Variants in PRPSAP1 observed in about 807,000 individuals in gnomAD.
PRPSAP1 encodes phosphoribosyl pyrophosphate synthetase associated protein 1.
PRPSAP1 carries 31 observed loss-of-function variants against 39.4 expected under a neutral mutation model. The observed-to-expected ratio is 0.79, with a 90% CI of 0.59 to 1.06. PRPSAP1 has a LOEUF of 1.06. PRPSAP1 is among the 50% of genes least tolerant of loss of function. The pLI, the probability that PRPSAP1 is intolerant of heterozygous loss-of-function variation, is 0.00. For missense variants in PRPSAP1, 430 were observed against 511.6 expected (o/e 0.84, Z 1.54); for synonymous variants, 212 against 192.6 (o/e 1.10, Z -0.83).
chr17:76,311,437 C>G lies in PRPSAP1; in HGVS notation c.*105G>C. The G allele has an allele frequency of 7.7e-7, 1 of 1,293,366 alleles. No individual in the cohort carries two copies. Among genetic ancestry groups the G allele is most frequent in the South Asian group, 1.5e-5 (1 of 65,534 alleles). The allele number at this position is 1,293,366 out of a possible 1,614,324, so 80.1% of individuals were successfully genotyped here. On this transcript the variant is annotated 3_prime_UTR_variant, in exon 10 of 10. Coordinates refer to ENST00000446526, the MANE Select transcript of PRPSAP1 (RefSeq NM_002766.3). ...TCCGGGCAAAAGAAGATATCTAACT[C>G]CAGGCTGTTTCGAGTCCTCCCTTGC...
At chr17:76,349,118 C>G (rs1354471763) in intron 1 of PRPSAP1, among the ~76,000 whole-genome samples, 1 of 151,910 alleles carries the variant, frequency 6.6e-6, no homozygotes, top group Non-Finnish European at 1.5e-5. Context: ...TGAGACCAGC[C>G]TGACCAACAT....
rs1045429484 is a variant in PRPSAP1 at position 76,339,789 on chromosome 17, A to G, written c.290+4882T>C. Among the ~76,000 whole-genome samples, 21 of 151,478 alleles carry G rather than the reference A, an allele frequency of 1.4e-4. 1 individual carries two copies. The highest frequency in any genetic ancestry group is 1.2e-3 in the Admixed American group (19 of 15,206). On this transcript the variant is annotated intron_variant, in intron 3 of 9. Coordinates refer to ENST00000446526, the MANE Select transcript of PRPSAP1 (RefSeq NM_002766.3). ...TGTTATTGTACAAGACTCTGCTACA[A>G]CTCTATGAAGTGCTTCCTACTTCTT... is the stretch of plus-strand genomic sequence containing the variant.
rs1598548600 is a variant in PRPSAP1 at position 76,353,499 on chromosome 17, C to T, written c.170+35G>A. ...GGGCGCGAAGGAGAGCTAGGCGCCG[C>T]CGCCCCCGGCCCGGCCCTCCCACCG... On this transcript the variant is annotated intron_variant, in intron 1 of 9. Transcript: ENST00000446526. The T allele has an allele frequency of 4.1e-6, 6 of 1,466,990 alleles. No homozygotes were observed. The East Asian group carries it at 1.2e-4, about 29-fold the overall frequency. 90.9% of individuals were successfully genotyped at this position (1,466,990 alleles called of 1,614,324 possible). A position where few individuals can be genotyped will look rare whatever the true frequency, so the allele number is the denominator to read the frequency against.
intron 7 of PRPSAP1, among the ~76,000 whole-genome samples, chr17:76,320,699 T>G (rs925173419): frequency 1.3e-5 from 2 of 151,052 alleles, no homozygotes; most frequent in Admixed American, 1.3e-4. Flanking sequence ...CCTCCCAAAG[T>G]GCTAGATTAC....
intron 3 of PRPSAP1, among the ~76,000 whole-genome samples, chr17:76,341,234 GTTTTT>G (rs5822126): frequency 2.4e-3 from 283 of 119,964 alleles, no homozygotes; most frequent in Non-Finnish European, 3.0e-3. Flanking sequence ...ACTTTTTTTT[GTTTTT>G]TTTTTTTTTT....
chr17:76,320,265 A>G (rs77423416), intron 7 of PRPSAP1, among the ~76,000 whole-genome samples: 10 of 75,114 alleles, frequency 1.3e-4, no homozygotes, highest in Admixed American at 3.0e-4. Context: ...AGAAAGAAAG[A>G]AAAGAAAGAA....
chr17:76,337,929 CTTACT>C (rs1433056339), intron 3 of PRPSAP1, among the ~76,000 whole-genome samples: 1 of 152,026 alleles, frequency 6.6e-6, no homozygotes, highest in African/African-American at 2.4e-5. Context: ...AATGAGTCTG[CTTACT>C]TTACATCAAC....
chr17:76,333,883 C>T (rs1428717384), intron 3 of PRPSAP1, among the ~76,000 whole-genome samples: 1 of 152,102 alleles, frequency 6.6e-6, no homozygotes, highest in Non-Finnish European at 1.5e-5. Flanking sequence ...TTCTTTCTTT[C>T]ACTTACTCAC....
intron 1 of PRPSAP1, among the ~76,000 whole-genome samples, chr17:76,349,034 G>A (rs770877191): frequency 1.3e-4 from 20 of 152,128 alleles, no homozygotes; most frequent in Non-Finnish European, 2.8e-4. Flanking sequence ...TTTTTGGCCA[G>A]GCGTGGTGGC....
chr17:76,313,445 T>C (rs556383020), intron 8 of PRPSAP1: 67 of 257,628 alleles, frequency 2.6e-4, no homozygotes, highest in Admixed American at 5.9e-4. Context: ...TATGTCAACA[T>C]GCAGAACGAG....
chr17:76,338,799 C>T (rs1200952877), intron 3 of PRPSAP1, among the ~76,000 whole-genome samples: 4 of 151,654 alleles, frequency 2.6e-5, no homozygotes, highest in Admixed American at 6.6e-5. Flanking sequence ...TTTGGGAGGC[C>T]GAGGTGGATG....
At chr17:76,328,186 C>CAAA (rs56020637) in intron 7 of PRPSAP1, among the ~76,000 whole-genome samples, 49 of 108,798 alleles carry the variant, frequency 4.5e-4, no homozygotes, top group African/African-American at 1.1e-3. Flanking sequence ...GATCCTTTCT[C>CAAA]AAAAAAAAAA....
At chr17:76,343,847 A>G (rs2071466418) in intron 3 of PRPSAP1, among the ~76,000 whole-genome samples, 1 of 152,190 alleles carries the variant, frequency 6.6e-6, no homozygotes, top group African/African-American at 2.4e-5. Flanking sequence ...AAAAGCCTGG[A>G]GAGAAGTAAA....
intron 3 of PRPSAP1, among the ~76,000 whole-genome samples, chr17:76,340,921 G>A (rs1461748289): frequency 6.6e-6 from 1 of 151,308 alleles, no homozygotes; most frequent in Non-Finnish European, 1.5e-5. Context: ...AAAAAAGCGG[G>A]GGGTAGGGGG....
chr17:76,320,037 A>G (rs2071172385), intron 7 of PRPSAP1, among the ~76,000 whole-genome samples: 2 of 152,048 alleles, frequency 1.3e-5, no homozygotes, highest in African/African-American at 4.8e-5. Context: ...TGGGAGGCCA[A>G]GGCAGGCGGA....
chr17:76,329,052 G>C, intron 6 of PRPSAP1, 190 bp from the exon 7 acceptor site: 2 of 644,180 alleles, frequency 3.1e-6, no homozygotes, highest in Non-Finnish European at 4.9e-6. Flanking sequence ...GTTAGGGTTT[G>C]GGATTGTATC....
chr17:76,330,304 T>G, intron 5 of PRPSAP1: 1 of 599,660 alleles, frequency 1.7e-6, no homozygotes. Context: ...TTAAAAATAA[T>G]TCTTAAAACA....
At chr17:76,328,383 A>T (rs1292928632) in intron 7 of PRPSAP1, among the ~76,000 whole-genome samples, 2 of 152,108 alleles carry the variant, frequency 1.3e-5, no homozygotes, top group African/African-American at 2.4e-5. Flanking sequence ...CCAGGTCTGG[A>T]GCAGATCACG....
chr17:76,347,722 C>T (rs2071525623), intron 2 of PRPSAP1, among the ~76,000 whole-genome samples: 2 of 151,946 alleles, frequency 1.3e-5, no homozygotes, highest in African/African-American at 4.8e-5. Context: ...TGAAGAAAAC[C>T]GTGGCAGGGC....
Sources: allele counts gnomAD v4.1 joint callset (sites outside exome capture counted in the v4.1 genomes callset), GRCh38; gene constraint gnomAD v4.1.1; transcripts MANE v1.5; gene names NCBI Gene and HGNC (gene_info 2026-07-23, HGNC 2026-07-21).